PCDH11X: variants seen among roughly 807,000 people sequenced by gnomAD.
PCDH11X encodes the protein protocadherin 11 X-linked, also known as protocadherin-11 X-linked.
Under a neutral mutation model 53.3 loss-of-function variants are expected in PCDH11X, and 18 were observed. The ratio of observed to expected loss-of-function variants is 0.34; its 90% CI spans 0.23 to 0.50. PCDH11X has a LOEUF of 0.50. Among genes scored for constraint, PCDH11X ranks in the 20% least tolerant of loss-of-function variants. The probability of loss-of-function intolerance (pLI) is 0.98; values close to 1 mark genes in which losing one functional copy is unlikely to be tolerated. For missense variants in PCDH11X, 570 were observed against 1,032.4 expected (o/e 0.55, Z 6.14); for synonymous variants, 279 against 393.3 (o/e 0.71, Z 3.44).
chrX:92,358,642 GCTAAA>G (rs2070272457), intron 8 of PCDH11X, among the ~76,000 whole-genome samples: 2 of 102,677 alleles, frequency 1.9e-5, no homozygotes, highest in African/African-American at 7.1e-5. Flanking sequence ...TTCTCCTAGT[GCTAAA>G]GTTACCAATG....
At chrX:92,273,187 A>G (rs894386286) in intron 8 of PCDH11X, among the ~76,000 whole-genome samples, 3 of 110,153 alleles carry the variant, frequency 2.7e-5, no homozygotes, top group African/African-American at 9.9e-5. Context: ...AAAGAGAGTC[A>G]GTGAAGGGAG....
At chrX:92,278,834 G>A (rs1290782193) in intron 8 of PCDH11X, among the ~76,000 whole-genome samples, 1 of 88,987 alleles carries the variant, frequency 1.1e-5, no homozygotes, top group African/African-American at 4.8e-5. Context: ...TTTTTGAGAT[G>A]GAGTTTCACT....
intron 9 of PCDH11X, among the ~76,000 whole-genome samples, chrX:92,445,246 A>G (rs1373398989): frequency 4.4e-5 from 3 of 67,817 alleles, no homozygotes; most frequent in Admixed American, 3.7e-4. Flanking sequence ...TATTGATTCA[A>G]TTTTGGAACT....
chrX:92,521,244 G>A (rs1180179731), intron 10 of PCDH11X, among the ~76,000 whole-genome samples: 1 of 112,064 alleles, frequency 8.9e-6, no homozygotes, highest in Non-Finnish European at 1.9e-5. Context: ...ATTAACTAAT[G>A]AGATTTGAAT....
intron 9 of PCDH11X, chrX:92,420,620 A>G: frequency 3.6e-6 from 1 of 276,698 alleles, no homozygotes; most frequent in South Asian, 4.3e-5. Context: ...TTAAGATACC[A>G]TCTCACTATT....
intron 8 of PCDH11X, among the ~76,000 whole-genome samples, chrX:92,308,890 A>C (rs1382779758): frequency 9.0e-6 from 1 of 110,645 alleles, no homozygotes; most frequent in African/African-American, 3.3e-5. Flanking sequence ...GAGATATTCA[A>C]TATCACTAAT....
intron 6 of PCDH11X, among the ~76,000 whole-genome samples, chrX:92,122,753 A>G (rs1434629308): frequency 9.1e-6 from 1 of 110,338 alleles, no homozygotes; most frequent in Non-Finnish European, 1.9e-5. Flanking sequence ...CCTGGCCAAC[A>G]TGGTGAAACC....
intron 6 of PCDH11X, among the ~76,000 whole-genome samples, chrX:92,134,957 C>T (rs1001492027): frequency 9.0e-6 from 1 of 110,993 alleles, no homozygotes; most frequent in African/African-American, 3.3e-5. Flanking sequence ...CCTTAACCAT[C>T]TGGGAATGCA....
intron 6 of PCDH11X, among the ~76,000 whole-genome samples, chrX:92,065,971 G>T (rs1427945493): frequency 1.8e-5 from 2 of 111,739 alleles, no homozygotes; most frequent in Non-Finnish European, 3.8e-5. Flanking sequence ...AAGTTTTCTT[G>T]TAGTACTTTC....
intron 8 of PCDH11X, among the ~76,000 whole-genome samples, chrX:92,368,598 C>T (rs1289890671): frequency 1.8e-5 from 2 of 111,778 alleles, no homozygotes; most frequent in Non-Finnish European, 3.8e-5. Flanking sequence ...GAATTTTCAG[C>T]GTTTCTGTGC....
chrX:92,175,785 T>TATATACAC (rs1556140527), intron 6 of PCDH11X, among the ~76,000 whole-genome samples: 1 of 83,819 alleles, frequency 1.2e-5, no homozygotes, highest in African/African-American at 4.3e-5. Context: ...TGTATATATA[T>TATATACAC]ACACACACAC....
At chrX:92,105,607 G>A (rs1449059114) in intron 6 of PCDH11X, among the ~76,000 whole-genome samples, 2 of 107,310 alleles carry the variant, frequency 1.9e-5, no homozygotes, top group African/African-American at 6.8e-5. Flanking sequence ...ACAGTCAAAG[G>A]GGGTTTGTTC....
chrX:91,784,046 T>C (rs775026285), intron 1 of PCDH11X, among the ~76,000 whole-genome samples: 3 of 112,272 alleles, frequency 2.7e-5, no homozygotes, highest in Non-Finnish European at 5.6e-5. Flanking sequence ...CTGTACAGAA[T>C]AAGTAAGGAA....
At chrX:92,106,517 C>T (rs1011824658) in intron 6 of PCDH11X, among the ~76,000 whole-genome samples, 1 of 111,325 alleles carries the variant, frequency 9.0e-6, no homozygotes, top group Non-Finnish European at 1.9e-5. Context: ...TGTGCAACTC[C>T]AGACACTTTG....
intron 10 of PCDH11X, among the ~76,000 whole-genome samples, chrX:92,478,108 T>C (rs2073427347): frequency 9.0e-6 from 1 of 110,784 alleles, no homozygotes; most frequent in African/African-American, 3.3e-5. Flanking sequence ...CTCCTTCACA[T>C]GTTCTTTCTC....
chrX:91,994,565 G>C (rs988885723), intron 6 of PCDH11X, among the ~76,000 whole-genome samples: 1 of 95,199 alleles, frequency 1.1e-5, no homozygotes, highest in African/African-American at 4.3e-5. Flanking sequence ...CACTTAGGTT[G>C]CTTCCATATC....
chrX:92,153,124 G>T (rs5942125), intron 6 of PCDH11X, among the ~76,000 whole-genome samples: 57,121 of 109,023 alleles, frequency 0.52, 12,259 homozygotes, highest in African/African-American at 0.72. Context: ...TAGTTAAATT[G>T]TTTTGAAAAC....
chrX:91,804,268 T>A (rs1936027774), intron 1 of PCDH11X, among the ~76,000 whole-genome samples: 1 of 111,231 alleles, frequency 9.0e-6, no homozygotes. Flanking sequence ...AGAATATGAT[T>A]TATTTACAAT....
At chrX:91,940,464 G>A (rs1485633069) in intron 6 of PCDH11X, among the ~76,000 whole-genome samples, 1 of 111,480 alleles carries the variant, frequency 9.0e-6, no homozygotes, top group Admixed American at 9.5e-5. Flanking sequence ...TTTGGAAGAG[G>A]AGATATAGAA....
Sources: allele counts gnomAD v4.1 joint callset (sites outside exome capture counted in the v4.1 genomes callset), GRCh38; gene constraint gnomAD v4.1.1; transcripts MANE v1.5; gene names NCBI Gene and HGNC (gene_info 2026-07-23, HGNC 2026-07-21).